RBP4: variants seen among roughly 807,000 people sequenced by gnomAD.
RBP4 encodes the protein retinol binding protein 4.
In RBP4, 9 loss-of-function variants were observed where a neutral mutation model predicts 26.2. The observed-to-expected ratio is 0.34, with a 90% confidence interval of 0.21 to 0.60. The LOEUF is 0.60. RBP4 is among the 20% of genes least tolerant of loss of function. RBP4 has a pLI of 0.80. For missense variants in RBP4, 244 were observed against 271.3 expected (o/e 0.90, Z 0.71); for synonymous variants, 114 against 111.0 (o/e 1.03, Z -0.17).
Position 93,592,108 on chromosome 10 carries a change from G to A in RBP4, c.573C>T (p.Tyr191=), listed in dbSNP as rs1178326379. Residue 191 remains tyrosine (Y), a synonymous_variant, in exon 6 of 6, where the codon TAC becomes TAT. Coordinates refer to ENST00000371464, the MANE Select transcript of RBP4 (RefSeq NM_006744.4). ...RQYRLIVHNG[Y]CDGRSERNLL is the part of the protein sequence containing the mutation. ...GGTTTCTTTCTGATCTGCCATCGCA[G>A]TAACCTGGAAAATACAAAACAAAGC... 13 of 1,613,990 alleles carry A rather than the reference G, an allele frequency of 8.1e-6. No homozygotes were observed. The highest frequency in any genetic ancestry group is 1.1e-5 in the Non-Finnish European group (13 of 1,179,972).
At position 93,594,031 on chromosome 10, in the gene RBP4, A is replaced by G; in HGVS notation, c.360T>C (p.Asp120=). Residue 120 remains aspartate (D), a synonymous_variant, in exon 5 of 6, where the codon GAT becomes GAC. Transcript: ENST00000371464. ...GVASFLQKGN[D]DHWIVDTDYD... is the part of the protein sequence containing the mutation. The stretch of plus-strand genomic sequence containing the variant: ...AGTCTGTGTCGACGATCCAGTGGTC[A>G]TCATCTGCAAGCCAGAAAGCCACCA... 6.2e-7 allele frequency: 1 copy of G among 1,613,382 alleles called. No homozygotes were observed. The highest frequency in any genetic ancestry group is 1.1e-5 in the South Asian group (1 of 91,086).
intron 4 of RBP4, among the ~76,000 whole-genome samples, chr10:93,596,280 G>T (rs1060633): frequency 6.6e-6 from 1 of 150,672 alleles, no homozygotes; most frequent in African/African-American, 2.4e-5. Flanking sequence ...TTCAATACTT[G>T]GATTTAGTAA....
Position 93,592,069 on chromosome 10 carries a change from A to C in RBP4, c.*6T>G. 1 of 1,612,136 alleles carries C rather than the reference A, an allele frequency of 6.2e-7. No individual in the cohort carries two copies. ...GTTCTCAGATGAAACTAGATTCTTG[A>C]TATTGCTACAAAAGGTTTCTTTCTG... On this transcript the variant is annotated 3_prime_UTR_variant, in exon 6 of 6. Transcript: ENST00000371464.
At chr10:93,601,658 A>G (rs574006118), upstream of RBP4, 2 of 778,534 alleles carry the variant, frequency 2.6e-6, no homozygotes, top group East Asian at 2.4e-5. Context: ...GCCATGCCAA[A>G]TTGGCGCCTC....
At chr10:93,600,034 G>C (rs779034428) in intron 4 of RBP4, among the ~76,000 whole-genome samples, 2 of 152,206 alleles carry the variant, frequency 1.3e-5, no homozygotes, top group Non-Finnish European at 2.9e-5. Flanking sequence ...CAGGGATTCA[G>C]CCCAAAGAGA....
At chr10:93,601,301 C>A, upstream of RBP4, 1 of 1,215,110 alleles carries the variant, frequency 8.2e-7, no homozygotes, top group Middle Eastern at 3.3e-4. Flanking sequence ...TTCGTAACCG[C>A]GCGGGGTGAA....
At chr10:93,598,845 T>C (rs928359596) in intron 4 of RBP4, among the ~76,000 whole-genome samples, 3 of 152,228 alleles carry the variant, frequency 2.0e-5, no homozygotes, top group African/African-American at 4.8e-5. Context: ...TTGTAATCCA[T>C]TATCAGAAAA....
rs1160886374 is a variant in RBP4 at position 93,592,132 on chromosome 10, G to C, written c.569-20C>G. 5 of 1,613,270 alleles carry C rather than the reference G, an allele frequency of 3.1e-6. No homozygotes were observed. The highest frequency in any genetic ancestry group is 3.4e-6 in the Non-Finnish European group (4 of 1,179,362). ...AGTAACCTGGAAAATACAAAACAAA[G>C]CCATTAACGACAGAAAGTGGACCCA... is the stretch of plus-strand genomic sequence containing the variant. On this transcript the variant is annotated intron_variant, in intron 5 of 5. Transcript: ENST00000371464.
chr10:93,599,205 C>T (rs570654697), intron 4 of RBP4, among the ~76,000 whole-genome samples: 9 of 151,610 alleles, frequency 5.9e-5, no homozygotes, highest in East Asian at 1.9e-4. Flanking sequence ...GCCATGATGG[C>T]GCCACTGCAC....
In RBP4 at chr10:93,593,817, ACT is replaced by A; in HGVS notation, c.568+4_568+5del. 3 of 1,611,126 alleles carry A rather than the reference ACT, an allele frequency of 1.9e-6. No homozygotes were observed. Among genetic ancestry groups the A allele is most frequent in the Non-Finnish European group, 2.5e-6 (3 of 1,179,744 alleles). On this transcript the variant is annotated splice_donor_5th_base_variant and intron_variant, in intron 5 of 5. Transcript: ENST00000371464. ...AGAGCCAGAAGGCACCCTGCTCCTG[ACT>A]CACCGTTGTGGACGATCAGCCTGTA...
At chr10:93,597,682 A>T (rs1334507742) in intron 4 of RBP4, among the ~76,000 whole-genome samples, 1 of 152,200 alleles carries the variant, frequency 6.6e-6, no homozygotes, top group Admixed American at 6.5e-5. Context: ...GTAGAGATTG[A>T]TCACATTTAA....
At chr10:93,592,881 A>C (rs2058276690) in intron 5 of RBP4, among the ~76,000 whole-genome samples, 1 of 152,004 alleles carries the variant, frequency 6.6e-6, no homozygotes, top group Non-Finnish European at 1.5e-5. Flanking sequence ...GCAGTGGTGC[A>C]ACCTCAACTC....
intron 4 of RBP4, among the ~76,000 whole-genome samples, chr10:93,600,021 T>A (rs1344788954): frequency 6.6e-6 from 1 of 152,078 alleles, no homozygotes; most frequent in African/African-American, 2.4e-5. Context: ...AGTCAAGCTG[T>A]CTCAGGGATT....
At position 93,599,263 on chromosome 10, in the gene RBP4, A is replaced by AAT. The variant is rs771309680; in HGVS notation, c.355+1129_355+1130insAT. ...CCCTGTCTCTAAAAAAAAAATAATAATAAATTAAAATTAAAAATTAAATAA... is the reference window on the plus strand; with the variant it reads ...CCCTGTCTCTAAAAAAAAAATAATAAATTAAATTAAAATTAAAAATTAAATAA... On this transcript the variant is annotated intron_variant, in intron 4 of 5. Transcript: ENST00000371464. Among the ~76,000 whole-genome samples, 24 of 151,338 alleles carry AAT rather than the reference A, an allele frequency of 1.6e-4. 1 individual carries two copies. The highest frequency in any genetic ancestry group is 1.9e-4 in the Non-Finnish European group (13 of 67,832).
chr10:93,601,033 C>T lies in RBP4; in HGVS notation c.-5G>A. The stretch of plus-strand genomic sequence containing the variant: ...GAGCGCCCACACCCACTTCATCTTG[C>T]CCAGGAATCCGCCCTGCGGGAGACG... On this transcript the variant is annotated 5_prime_UTR_variant, in exon 2 of 6. Transcript: ENST00000371464. The T allele has an allele frequency of 1.2e-6, 2 of 1,605,916 alleles. No homozygotes were observed. The highest frequency in any genetic ancestry group is 1.4e-5 in the African/African-American group (1 of 71,772).
chr10:93,598,593 C>T (rs58333627), intron 4 of RBP4, among the ~76,000 whole-genome samples: 4,703 of 152,212 alleles, frequency 0.031, 214 homozygotes, highest in African/African-American at 0.1. Context: ...ACTTTTTCGC[C>T]CTCCAAATGA....
chr10:93,592,397 T>C (rs2058273202), intron 5 of RBP4, among the ~76,000 whole-genome samples: 3 of 152,174 alleles, frequency 2.0e-5, no homozygotes, highest in Admixed American at 2.0e-4. Context: ...GTCTGCCTTA[T>C]TGCATTTCAA....
intron 4 of RBP4, among the ~76,000 whole-genome samples, chr10:93,596,212 T>TC (rs982427286): frequency 6.6e-6 from 1 of 152,048 alleles, no homozygotes; most frequent in African/African-American, 2.4e-5. Flanking sequence ...TTTTTTTTTT[T>TC]TTTTTTCCTC....
In RBP4 at chr10:93,600,608, G is replaced by T. The variant is rs1228337402; in HGVS notation, c.248+59C>A. On this transcript the variant is annotated intron_variant, in intron 3 of 5. Transcript: ENST00000371464. ...ACAATGCCCACGTGGCGATCAGCAGGCAGGGCCCTTGGGGAACCCTGGAGC... is the reference window on the plus strand; with the variant it reads ...ACAATGCCCACGTGGCGATCAGCAGTCAGGGCCCTTGGGGAACCCTGGAGC... 1.9e-6 allele frequency: 3 copies of T among 1,612,376 alleles called. No individual in the cohort carries two copies. In the East Asian group the frequency reaches 6.7e-5, roughly 36 times the overall value.
Sources: gnomAD v4.1 joint callset for allele counts (sites outside exome capture counted in the v4.1 genomes callset) on GRCh38, gnomAD v4.1.1 for gene constraint, MANE v1.5 for transcripts, NCBI Gene and HGNC (gene_info 2026-07-23, HGNC 2026-07-21) for gene names.